Variants in STEAP4 observed in about 807,000 individuals in gnomAD.
STEAP4 encodes the protein STEAP4 metalloreductase, also known as metalloreductase STEAP4.
A neutral mutation model predicts 43.6 loss-of-function variants in STEAP4; 36 were observed. The observed-to-expected ratio is 0.83, with a 90% CI of 0.63 to 1.09. The LOEUF (loss-of-function observed/expected upper bound fraction) is 1.09. STEAP4 is among the 50% of genes least tolerant of loss of function. The pLI is 0.00. For synonymous variants in STEAP4, 191 were observed against 196.7 expected (o/e 0.97, Z 0.24); for missense variants, 495 against 546.5 (o/e 0.91, Z 0.94).
rs1178745798 is a variant in STEAP4, at chr7:88,271,019, TC to T, written c.*8378del. On this transcript the variant is annotated 3_prime_UTR_variant, in exon 5 of 5. Coordinates refer to ENST00000380079, the MANE Select transcript of STEAP4 (RefSeq NM_024636.4). ...TGATCAGATTAGGGTAATTAGTATA[TC>T]CATCATCTTAAGCATTTATCATTTC... The T allele has an allele frequency of 6.6e-5, 10 of 152,224 alleles. No individual in the cohort carries two copies. The highest frequency in any genetic ancestry group is 5.2e-4 in the Admixed American group (8 of 15,284). 9.4% of individuals were successfully genotyped at this position (152,224 alleles called of 1,614,324 possible). A position where few individuals can be genotyped will look rare whatever the true frequency, so the allele number is the denominator to read the frequency against.
chr7:88,289,527 T>C (rs989221562), intron 1 of STEAP4, among the ~76,000 whole-genome samples: 3 of 152,186 alleles, frequency 2.0e-5, no homozygotes, highest in South Asian at 2.1e-4. Flanking sequence ...CATTTTAGCC[T>C]ATCAAAAACA....
chr7:88,299,162 T>C (rs1460165356), intron 1 of STEAP4, among the ~76,000 whole-genome samples: 1 of 152,220 alleles, frequency 6.6e-6, no homozygotes, highest in East Asian at 1.9e-4. Flanking sequence ...AGGATAAACT[T>C]ATTTATCTTA....
chr7:88,282,347 C>T (rs1852634754), intron 3 of STEAP4: 1 of 351,324 alleles, frequency 2.8e-6, no homozygotes, highest in Non-Finnish European at 5.1e-6. Flanking sequence ...TGGGGTTTCA[C>T]CATGTTGGCC....
chr7:88,286,469 A>C (rs913626950), intron 1 of STEAP4, among the ~76,000 whole-genome samples: 1 of 152,076 alleles, frequency 6.6e-6, no homozygotes, highest in Non-Finnish European at 1.5e-5. Flanking sequence ...TGATCTTGGA[A>C]GGTTTGTCAA....
intron 4 of STEAP4, among the ~76,000 whole-genome samples, chr7:88,280,163 C>T (rs910599982): frequency 1.3e-5 from 2 of 152,224 alleles, no homozygotes; most frequent in African/African-American, 4.8e-5. Flanking sequence ...AACATGTTGA[C>T]TGCATTTGGT....
At chr7:88,306,550 C>T (rs1853137264) in intron 1 of STEAP4, among the ~76,000 whole-genome samples, 2 of 152,334 alleles carry the variant, frequency 1.3e-5, no homozygotes, top group African/African-American at 4.8e-5. Context: ...TAATTTTCCC[C>T]CTTTGGGCTT....
At chr7:88,293,364 G>A (rs1174239797) in intron 1 of STEAP4, among the ~76,000 whole-genome samples, 2 of 151,898 alleles carry the variant, frequency 1.3e-5, no homozygotes, top group Non-Finnish European at 2.9e-5. Flanking sequence ...TGAGTCTTTT[G>A]TCAGATATGT....
chr7:88,303,927 A>G (rs1170012640), intron 1 of STEAP4: 3 of 152,244 alleles, frequency 2.0e-5, no homozygotes, highest in African/African-American at 7.2e-5. Context: ...CACTTTGGAA[A>G]TGACCTAAAA....
Position 88,303,205 on chromosome 7 carries a change from A to AAAAAC in STEAP4, c.-3+3582_-3+3586dup, listed in dbSNP as rs1554544055. ...GCATTAAAAAAAAAAAAAAAAAAAA[A>AAAAAC]AAAACTCCAACCGGGCGCGGTGGCT... On this transcript the variant is annotated intron_variant, in intron 1 of 4. Transcript: ENST00000380079. 4.6e-4 allele frequency among the ~76,000 whole-genome samples: 55 copies of AAAAAC among 118,904 alleles called. 2 individuals carry two copies. Among genetic ancestry groups the AAAAAC allele is most frequent in the Non-Finnish European group, 5.8e-4 (31 of 53,502 alleles). The allele number at this position is 118,904 out of a possible 152,430, so 78.0% of individuals were successfully genotyped here. A position where few individuals can be genotyped will look rare whatever the true frequency, so the allele number is the denominator to read the frequency against.
rs1287250605 is a variant in STEAP4, at chr7:88,273,421, T to C, written c.*5977A>G. ...CTTTTTGATATACAATACTGTGAGT[T>C]CCAGTCCAGCAGCCTTTCATTTTCA... On this transcript the variant is annotated 3_prime_UTR_variant, in exon 5 of 5. Transcript: ENST00000380079. 6.6e-6 allele frequency: 1 copy of C among 152,158 alleles called. No individual in the cohort carries two copies. Among genetic ancestry groups the C allele is most frequent in the Non-Finnish European group, 1.5e-5 (1 of 68,020 alleles). 9.4% of individuals were successfully genotyped at this position (152,158 alleles called of 1,614,324 possible). A position where few individuals can be genotyped will look rare whatever the true frequency, so the allele number is the denominator to read the frequency against.
chr7:88,304,640 T>TTGTGTGTG (rs148793788), intron 1 of STEAP4, among the ~76,000 whole-genome samples: 5 of 147,714 alleles, frequency 3.4e-5, no homozygotes, highest in African/African-American at 1.2e-4. Flanking sequence ...GTTGCTGCTG[T>TTGTGTGTG]TGTGTGTGTG....
At chr7:88,305,456 A>G (rs2116044014) in intron 1 of STEAP4, among the ~76,000 whole-genome samples, 1 of 152,312 alleles carries the variant, frequency 6.6e-6, no homozygotes, top group Admixed American at 6.5e-5. Context: ...TTACAAAATT[A>G]TACCTACTGT....
intron 1 of STEAP4, among the ~76,000 whole-genome samples, chr7:88,301,568 C>A (rs1853035005): frequency 6.6e-6 from 1 of 151,986 alleles, no homozygotes; most frequent in African/African-American, 2.4e-5. Flanking sequence ...TGAACCACTG[C>A]ACCTGGCCCC....
chr7:88,298,660 A>C (rs971213576), intron 1 of STEAP4, among the ~76,000 whole-genome samples: 24 of 152,188 alleles, frequency 1.6e-4, no homozygotes, highest in Non-Finnish European at 3.1e-4. Context: ...TTAAGTAAAA[A>C]TTAGAGCAAT....
rs1852480204 is a variant in STEAP4 at position 88,274,338 on chromosome 7, C to A, written c.*5060G>T. On this transcript the variant is annotated 3_prime_UTR_variant, in exon 5 of 5. Transcript: ENST00000380079. Reference sequence around the variant, plus strand: ...TCCAAAATTCCCTTACAGCAGAAAGCAAGTAGTACTGGATCCTTTTGGCTT... The same window carrying A: ...TCCAAAATTCCCTTACAGCAGAAAGAAAGTAGTACTGGATCCTTTTGGCTT... 1 of 152,238 alleles carries A rather than the reference C, an allele frequency of 6.6e-6. No homozygotes were observed. Among genetic ancestry groups the A allele is most frequent in the African/African-American group, 2.4e-5 (1 of 41,462 alleles). The allele number at this position is 152,238 out of a possible 1,614,324, so 9.4% of individuals were successfully genotyped here. A position where few individuals can be genotyped will look rare whatever the true frequency, so the allele number is the denominator to read the frequency against.
chr7:88,288,130 C>T (rs1852767532), intron 1 of STEAP4, among the ~76,000 whole-genome samples: 1 of 152,186 alleles, frequency 6.6e-6, no homozygotes, highest in Non-Finnish European at 1.5e-5. Flanking sequence ...ATACCTTATA[C>T]TCCACCCCAA....
At position 88,303,184 on chromosome 7, in the gene STEAP4, T is replaced by TA. The variant is rs112528523; in HGVS notation, c.-3+3607dup. Reference sequence around the variant, plus strand: ...TTAGGATTGATCATATAATCTGCATTAAAAAAAAAAAAAAAAAAAAAAAAA... The same window carrying TA: ...TTAGGATTGATCATATAATCTGCATTAAAAAAAAAAAAAAAAAAAAAAAAAA... On this transcript the variant is annotated intron_variant, in intron 1 of 4. Transcript: ENST00000380079. 3.6e-3 allele frequency among the ~76,000 whole-genome samples: 371 copies of TA among 101,680 alleles called. 3 individuals are homozygous for TA. The highest frequency in any genetic ancestry group is 5.7e-3 in the Middle Eastern group (1 of 176). 66.7% of individuals were successfully genotyped at this position (101,680 alleles called of 152,430 possible).
chr7:88,298,301 A>T (rs1343998039), intron 1 of STEAP4: 1 of 152,118 alleles, frequency 6.6e-6, no homozygotes, highest in Non-Finnish European at 1.5e-5. Context: ...TGAGAATTGG[A>T]GAATGTGGTC....
intron 1 of STEAP4, among the ~76,000 whole-genome samples, chr7:88,287,838 G>T (rs976939794): frequency 1.2e-4 from 18 of 152,222 alleles, no homozygotes; most frequent in Admixed American, 1.2e-3. Flanking sequence ...TAATCTGTTA[G>T]TCCTACAAAG....
Sources: allele counts gnomAD v4.1 joint callset (sites outside exome capture counted in the v4.1 genomes callset), GRCh38; gene constraint gnomAD v4.1.1; transcripts MANE v1.5; gene names NCBI Gene and HGNC (gene_info 2026-07-23, HGNC 2026-07-21).